RBMX2: variants seen among roughly 807,000 people sequenced by gnomAD.
The protein encoded by RBMX2 is RNA-binding motif protein, X-linked 2.
For synonymous variants in RBMX2, 77 were observed against 94.3 expected, an observed-to-expected ratio of 0.82 and a Z score of 1.07; for missense variants, 191 against 256.0, an observed-to-expected ratio of 0.75 and a Z score of 1.73.
chrX:130,407,147 T>TA (rs2034489928), intron 3 of RBMX2, among the ~76,000 whole-genome samples: 1 of 110,541 alleles, frequency 9.0e-6, no homozygotes, highest in Non-Finnish European at 1.9e-5. Context: ...TTTTTTTTTT[T>TA]AATTCTTGTT....
intron 3 of RBMX2, among the ~76,000 whole-genome samples, chrX:130,406,090 C>T (rs1350256412): frequency 1.5e-5 from 1 of 66,133 alleles, no homozygotes; most frequent in Non-Finnish European, 2.4e-5. Flanking sequence ...CTCTTGACCT[C>T]GTGATCCGCC....
intron 3 of RBMX2, among the ~76,000 whole-genome samples, chrX:130,406,416 G>A (rs1435268861): frequency 9.1e-6 from 1 of 109,801 alleles, no homozygotes; most frequent in Admixed American, 9.7e-5. Flanking sequence ...GCTCACGCCT[G>A]TAATCCTAGC....
In RBMX2 at chrX:130,411,390, C is replaced by T. The variant is rs373592866; in HGVS notation, c.346C>T (p.Arg116Trp). ...CCGAGTGGATCATGTGTCTAACTAT[C>T]GGGCTCCTAAGGACTCAGAAGAAAT... ...TIRVDHVSNY[R>W]APKDSEEIDD... Residue 116 changes from arginine (R) to tryptophan (W), a missense_variant, in exon 5 of 6, where the codon CGG becomes TGG. By Grantham distance (101) the Arg-to-Trp change is moderately radical. Coordinates refer to ENST00000305536, the MANE Select transcript of RBMX2 (RefSeq NM_016024.4). 4.2e-6 allele frequency: 5 copies of T among 1,204,528 alleles called. No individual in the cohort carries two copies. The highest frequency in any genetic ancestry group is 4.5e-6 in the Non-Finnish European group (4 of 892,240).
intron 3 of RBMX2, among the ~76,000 whole-genome samples, chrX:130,405,354 G>A (rs906226847): frequency 4.6e-5 from 5 of 109,139 alleles, no homozygotes; most frequent in African/African-American, 1.7e-4. Context: ...ACTCCAGCCT[G>A]GGGGATAGAG....
intron 2 of RBMX2, 102 bp from the exon 3 acceptor site, chrX:130,403,700 C>G (rs1216693120): frequency 3.2e-5 from 24 of 739,228 alleles, no homozygotes; most frequent in Non-Finnish European, 4.9e-5. Flanking sequence ...AGGGCAGGGC[C>G]TGTTGCTTAC....
Position 130,402,026 on chromosome X carries a change from C to G in RBMX2, c.-7C>G, listed in dbSNP as rs878868784. ...GATTCCTGAGTGCTGAGCGCGAACC[C>G]GAGGAGATGAAGTAAGGCGTCAGCT... On this transcript the variant is annotated 5_prime_UTR_variant, in exon 1 of 6. Transcript: ENST00000305536. 4 of 1,198,842 alleles carry G rather than the reference C, an allele frequency of 3.3e-6. No homozygotes were observed. Among genetic ancestry groups the G allele is most frequent in the Middle Eastern group, 2.3e-4 (1 of 4,326 alleles).
intron 1 of RBMX2, 75 bp downstream of exon 1, chrX:130,402,112 G>C: frequency 8.5e-7 from 1 of 1,172,602 alleles, no homozygotes; most frequent in South Asian, 1.9e-5. Flanking sequence ...GTGTGGTAGA[G>C]CGTCTGCGGG....
intron 1 of RBMX2, 30 bp from the exon 2 acceptor site, chrX:130,402,225 A>AGCCCACCC: frequency 1.6e-5 from 16 of 984,766 alleles, no homozygotes; most frequent in Non-Finnish European, 2.1e-5. Context: ...TTTTCTGCCT[A>AGCCCACCC]CCCTCCCCAC....
chrX:130,409,491 G>T, intron 4 of RBMX2, 105 bp downstream of exon 4: 1 of 861,566 alleles, frequency 1.2e-6, no homozygotes, highest in Non-Finnish European at 1.6e-6. Flanking sequence ...TGTGAGCTTG[G>T]TGTGTTGCGG....
At chrX:130,404,227 G>A in intron 3 of RBMX2, 1 of 183,373 alleles carries the variant, frequency 5.5e-6, no homozygotes, top group African/African-American at 2.9e-5. Context: ...TACGATTGGG[G>A]CAAAGCACAG....
intron 5 of RBMX2, among the ~76,000 whole-genome samples, chrX:130,411,733 C>A (rs1465461583): frequency 9.0e-6 from 1 of 111,025 alleles, no homozygotes; most frequent in Non-Finnish European, 1.9e-5. Flanking sequence ...GAAATCCTAA[C>A]CCTCAGCACC....
chrX:130,408,805 A>C (rs1373505673), intron 3 of RBMX2, among the ~76,000 whole-genome samples: 1 of 112,437 alleles, frequency 8.9e-6, no homozygotes, highest in Admixed American at 9.4e-5. Context: ...TATATTAATT[A>C]ATCTGATTTT....
intron 5 of RBMX2, 83 bp downstream of exon 5, chrX:130,411,608 C>A: frequency 1.1e-6 from 1 of 913,568 alleles, no homozygotes; most frequent in Non-Finnish European, 1.5e-6. Context: ...TGATAATCAA[C>A]TCAAGTGTGA....
chrX:130,405,809 C>T (rs906286918), intron 3 of RBMX2, among the ~76,000 whole-genome samples: 1 of 76,934 alleles, frequency 1.3e-5, no homozygotes, highest in African/African-American at 3.8e-5. Context: ...TGCCAAAGGG[C>T]TTCTCATTAT....
intron 5 of RBMX2, 81 bp downstream of exon 5, chrX:130,411,606 A>G: frequency 1.1e-6 from 1 of 921,253 alleles, no homozygotes; most frequent in Non-Finnish European, 1.5e-6. Flanking sequence ...GTTGATAATC[A>G]ACTCAAGTGT....
intron 3 of RBMX2, among the ~76,000 whole-genome samples, chrX:130,405,242 G>A (rs2034478199): frequency 9.1e-6 from 1 of 109,812 alleles, no homozygotes; most frequent in African/African-American, 3.3e-5. Flanking sequence ...AGCCAGGCAT[G>A]GTGGTGCGCG....
At chrX:130,404,254 A>G (rs1326057994) in intron 3 of RBMX2, 8 of 157,873 alleles carry the variant, frequency 5.1e-5, no homozygotes, top group African/African-American at 1.8e-4. Context: ...TTGGGGTAAA[A>G]AACAGAAGGT....
chrX:130,412,948 C>A lies in RBMX2; in HGVS notation c.*100C>A. The A allele has an allele frequency of 2.2e-6, 2 of 901,896 alleles. No individual in the cohort carries two copies. The highest frequency in any genetic ancestry group is 1.5e-6 in the Non-Finnish European group (1 of 665,691). 74.3% of individuals were successfully genotyped at this position (901,896 alleles called of 1,213,427 possible). A position where few individuals can be genotyped will look rare whatever the true frequency, so the allele number is the denominator to read the frequency against. The stretch of plus-strand genomic sequence containing the variant: ...ATTTTTGTATCTAAAACTTCTGGGG[C>A]TGGATTCTTTTAATCCCTTGACTAT... On this transcript the variant is annotated 3_prime_UTR_variant, in exon 6 of 6. Coordinates refer to ENST00000305536, the MANE Select transcript of RBMX2 (RefSeq NM_016024.4).
At chrX:130,409,228 A>G (rs778520852) in intron 3 of RBMX2, 29 bp from the exon 4 acceptor site, 1 of 1,167,167 alleles carries the variant, frequency 8.6e-7, no homozygotes, top group South Asian at 2.0e-5. Flanking sequence ...TTAAGTCAAC[A>G]GTGTCTTACT....
Sources: gnomAD v4.1 joint callset for allele counts (sites outside exome capture counted in the v4.1 genomes callset) on GRCh38, gnomAD v4.1.1 for gene constraint, MANE v1.5 for transcripts, NCBI Gene and HGNC (gene_info 2026-07-23, HGNC 2026-07-21) for gene names.